The following IRF6 variants were observed in gnomAD, a reference collection of about 807,000 sequenced individuals.
IRF6 encodes the protein Van der Woude syndrome.
In IRF6, 6 loss-of-function variants were observed where a neutral mutation model predicts 51.4. The ratio of observed to expected loss-of-function variants is 0.12; its 90% CI spans 0.06 to 0.23. The LOEUF (loss-of-function observed/expected upper bound fraction) is 0.23, where lower values mean the gene tolerates loss of function less well. IRF6 is among the 10% of genes least tolerant of loss of function. IRF6 has a pLI of 1.00. For synonymous variants in IRF6, 178 were observed against 215.7 expected (o/e 0.83, Z 1.53); for missense variants, 348 against 585.2 (o/e 0.59, Z 4.18).
At chr1:209,805,736 G>T (rs2077970202) in intron 1 of IRF6, among the ~76,000 whole-genome samples, 1 of 146,270 alleles carries the variant, frequency 6.8e-6, no homozygotes, top group African/African-American at 2.5e-5. Context: ...GTGTAGATTC[G>T]AGAGGGGCCT....
At chr1:209,792,019 C>T (rs2077871838) in intron 6 of IRF6, among the ~76,000 whole-genome samples, 1 of 152,132 alleles carries the variant, frequency 6.6e-6, no homozygotes, top group South Asian at 2.1e-4. Flanking sequence ...CTCCTGGCCT[C>T]AAGCACTCCT....
At chr1:209,789,933 A>G in intron 7 of IRF6, 148 bp from the exon 8 acceptor site, 2 of 688,452 alleles carry the variant, frequency 2.9e-6, no homozygotes, top group Middle Eastern at 5.2e-4. Context: ...GGGTCACATT[A>G]GTCATATTTA....
At chr1:209,797,415 GC>G in intron 3 of IRF6, among the ~76,000 whole-genome samples, 1 of 146,366 alleles carries the variant, frequency 6.8e-6, no homozygotes, top group East Asian at 2.0e-4. Flanking sequence ...GAAACCAAGT[GC>G]CTTTAGGAGG....
Position 209,786,219 on chromosome 1 carries a change from T to G in IRF6, c.*2201A>C, listed in dbSNP as rs1453226316. The G allele has an allele frequency of 2.6e-5, 4 of 152,156 alleles. No homozygotes were observed. The highest frequency in any genetic ancestry group is 2.6e-4 in the Admixed American group (4 of 15,270). The allele number at this position is 152,156 out of a possible 1,614,324, so 9.4% of individuals were successfully genotyped here. ...AGGGTGATTAGATGGAATCCCTGCA[T>G]GTACTCTCCCGGCATTCTGAAAAGA... On this transcript the variant is annotated 3_prime_UTR_variant, in exon 9 of 9. Transcript: ENST00000367021.
chr1:209,794,639 A>T (rs2077889929), intron 5 of IRF6, among the ~76,000 whole-genome samples: 1 of 152,250 alleles, frequency 6.6e-6, no homozygotes, highest in Non-Finnish European at 1.5e-5. Context: ...TGGACAAATG[A>T]AGTAAAGATG....
chr1:209,789,669 G>T lies in IRF6; in HGVS notation c.1177C>A (p.Gln393Lys). 6.2e-7 allele frequency: 1 copy of T among 1,605,272 alleles called. No individual in the cohort carries two copies. The highest frequency in any genetic ancestry group is 8.5e-7 in the Non-Finnish European group (1 of 1,172,030). Residue 393 changes from glutamine to lysine, a missense_variant and splice_region_variant, in exon 8 of 9, where the codon CAG becomes AAG. Physicochemically the swap from Gln to Lys is moderately conservative, Grantham distance 53. This residue lies in a region of IRF6 where 125 missense variants were observed against 222.0 expected (regional missense o/e 0.56). Transcript: ENST00000367021. ...TTGACACAGCCTTATCTTCTCACCTGAACCAAGATGAGTTTCCTTTCCAAT... is the reference window on the plus strand; with the variant it reads ...TTGACACAGCCTTATCTTCTCACCTTAACCAAGATGAGTTTCCTTTCCAAT... ...KPLERKLILV[Q>K]VIPVVARMIY...
intron 1 of IRF6, among the ~76,000 whole-genome samples, chr1:209,802,953 A>G (rs891828297): frequency 1.3e-5 from 2 of 152,186 alleles, no homozygotes; most frequent in Admixed American, 1.3e-4. Context: ...GCACTTTAAG[A>G]GCAAGGCAAG....
intron 1 of IRF6, among the ~76,000 whole-genome samples, chr1:209,802,870 G>A (rs2073486): frequency 0.36 from 55,253 of 152,018 alleles, 10,453 homozygotes; most frequent in East Asian, 0.57. Flanking sequence ...TGACGGGGTG[G>A]CCCATAACAC....
chr1:209,786,634 T>C lies in IRF6; in HGVS notation c.*1786A>G, dbSNP rs1210975438. 6.6e-6 allele frequency: 1 copy of C among 152,202 alleles called. No homozygotes were observed. The highest frequency in any genetic ancestry group is 1.5e-5 in the Non-Finnish European group (1 of 68,036). 9.4% of individuals were successfully genotyped at this position (152,202 alleles called of 1,614,324 possible). On this transcript the variant is annotated 3_prime_UTR_variant, in exon 9 of 9. Transcript: ENST00000367021. ...TGTGCCTTTAATGCTTCCCGGTCCC[T>C]AAAAGCCCAACTTTTCCTCGAAGCT...
rs769992079 is a variant in IRF6, at chr1:209,788,458, G to C, written c.1366C>G (p.Pro456Ala). 1.2e-6 allele frequency: 2 copies of C among 1,613,926 alleles called. No individual in the cohort carries two copies. Among genetic ancestry groups the C allele is most frequent in the South Asian group, 2.2e-5 (2 of 91,078 alleles). The change falls in exon 9 of 9, where the codon CCC becomes GCC. Residue 456 changes from proline (P) to alanine (A), a missense_variant. Pro to Ala is a conservative substitution (Grantham distance 27). Transcript: ENST00000367021. ...QESWQPMQPT[P>A]SMQLPPALPP... ...AGGGCAGGGGGCAGTTGCATGCTGG[G>C]GGTGGGCTGCATGGGCTGCCAGCTC... is the stretch of plus-strand genomic sequence containing the variant.
Position 209,790,472 on chromosome 1 carries a change from C to G in IRF6, c.1060+23G>C. On this transcript the variant is annotated intron_variant, in intron 7 of 8. Coordinates refer to ENST00000367021, the MANE Select transcript of IRF6 (RefSeq NM_006147.4). This position sits in a 1 kb window ranked among gnomAD's most constrained non-coding sequence, Gnocchi z 4.8. Reference sequence around the variant, plus strand: ...ACTTCCAGAGAGTGATTCCCACGATCAACTTTCTGAGAAATGACTTACCGC... The same window carrying G: ...ACTTCCAGAGAGTGATTCCCACGATGAACTTTCTGAGAAATGACTTACCGC... The G allele has an allele frequency of 6.2e-7, 1 of 1,612,042 alleles. No individual in the cohort carries two copies. The highest frequency in any genetic ancestry group is 8.5e-7 in the Non-Finnish European group (1 of 1,179,062).
intron 8 of IRF6, 57 bp from the exon 9 acceptor site, chr1:209,788,701 C>T: frequency 7.3e-7 from 1 of 1,370,490 alleles, no homozygotes; most frequent in Admixed American, 1.8e-5. Flanking sequence ...TTTTAAATAG[C>T]ACAATGGACC....
At chr1:209,800,072 T>C (rs2077930120) in intron 3 of IRF6, among the ~76,000 whole-genome samples, 1 of 152,188 alleles carries the variant, frequency 6.6e-6, no homozygotes. Flanking sequence ...TGTATTTCAC[T>C]TGTGACTTCT....
At chr1:209,799,299 G>A (rs567957814) in intron 3 of IRF6, among the ~76,000 whole-genome samples, 2 of 152,250 alleles carry the variant, frequency 1.3e-5, no homozygotes, top group South Asian at 4.1e-4. Flanking sequence ...GTGGGATGCA[G>A]ACAGAAAGTC....
Position 209,790,985 on chromosome 1 carries a change from A to C in IRF6, c.668-98T>G, listed in dbSNP as rs1358937260. 6.2e-7 allele frequency: 1 copy of C among 1,600,578 alleles called. No individual in the cohort carries two copies. The highest frequency in any genetic ancestry group is 1.3e-5 in the African/African-American group (1 of 74,824). On this transcript the variant is annotated intron_variant, in intron 6 of 8. Coordinates refer to ENST00000367021, the MANE Select transcript of IRF6 (RefSeq NM_006147.4). This position sits in a 1 kb window ranked among gnomAD's most constrained non-coding sequence, Gnocchi z 4.8. ...TCCATTAAGATCAAGCCACCTTTCA[A>C]CCAGCATTCAGGAAGGCCACTGCCA... is the stretch of plus-strand genomic sequence containing the variant.
In IRF6 at chr1:209,796,928, G is replaced by C. The variant is rs572987985; in HGVS notation, c.175-376C>G. Among the ~76,000 whole-genome samples the C allele has an allele frequency of 6.6e-5, 10 of 152,336 alleles. No individual in the cohort carries two copies. In the South Asian group the frequency reaches 1.9e-3, roughly 28 times the overall value. On this transcript the variant is annotated intron_variant, in intron 3 of 8. Transcript: ENST00000367021. The surrounding 1 kb of genome is among the most constrained non-coding windows in gnomAD (Gnocchi z 4.5). ...AAAGTGCAGATGGTAACTCTGGATA[G>C]CAGAATTTCAAGTAACTTTTTTTCT...
chr1:209,805,334 C>T (rs1196173431), intron 1 of IRF6, among the ~76,000 whole-genome samples: 1 of 152,206 alleles, frequency 6.6e-6, no homozygotes, highest in Non-Finnish European at 1.5e-5. Context: ...TCCACACCAC[C>T]CTCCAGCCCC....
chr1:209,801,138 T>C, intron 3 of IRF6, 102 bp downstream of exon 3: 1 of 1,054,870 alleles, frequency 9.5e-7, no homozygotes, highest in Non-Finnish European at 1.4e-6. Flanking sequence ...TCATAAGCAT[T>C]CTCTCTGTTT....
rs755370458 is a variant in IRF6 at position 209,786,589 on chromosome 1, C to G, written c.*1831G>C. Reference sequence around the variant, plus strand: ...TCACTTCACCTACTCAACAAAATGACCCCCAAAATGTAAAGTTTCTGTGCC... The same window carrying G: ...TCACTTCACCTACTCAACAAAATGAGCCCCAAAATGTAAAGTTTCTGTGCC... On this transcript the variant is annotated 3_prime_UTR_variant, in exon 9 of 9. Transcript: ENST00000367021. The G allele has an allele frequency of 3.3e-5, 5 of 152,122 alleles. No homozygotes were observed. The highest frequency in any genetic ancestry group is 5.9e-5 in the Non-Finnish European group (4 of 68,034). 9.4% of individuals were successfully genotyped at this position (152,122 alleles called of 1,614,324 possible).
Sources: allele counts gnomAD v4.1 joint callset (sites outside exome capture counted in the v4.1 genomes callset), GRCh38; gene constraint gnomAD v4.1.1; regional missense constraint gnomAD v4.1.1; non-coding constraint Gnocchi (gnomAD v3.1); transcripts MANE v1.5; gene names NCBI Gene and HGNC (gene_info 2026-07-23, HGNC 2026-07-21).